SFXN3: variants seen among roughly 807,000 people sequenced by gnomAD.
SFXN3 encodes the protein sideroflexin-3.
In SFXN3, 31 loss-of-function variants were observed where a neutral mutation model predicts 40.4. The observed-to-expected ratio is 0.77, with a 90% CI of 0.58 to 1.04. The LOEUF is 1.04. Ranked by LOEUF, SFXN3 falls within the 50% of genes least tolerant of loss-of-function variation. The pLI is 0.00. For synonymous variants in SFXN3, 157 were observed against 160.0 expected (o/e 0.98, Z 0.14); for missense variants, 366 against 408.2 (o/e 0.90, Z 0.89).
chr10:101,037,209 G>C lies in SFXN3; in HGVS notation c.721+6G>C, dbSNP rs372517888. 19 of 1,613,844 alleles carry C rather than the reference G, an allele frequency of 1.2e-5. No individual in the cohort carries two copies. The highest frequency in any genetic ancestry group is 1.5e-5 in the Non-Finnish European group (18 of 1,180,044). ...CATGGCGATTCCTGCCATGGGTAAGGCGGGAGTGGCTGGGTGGGGCATAGG... is the reference window on the plus strand; with the variant it reads ...CATGGCGATTCCTGCCATGGGTAAGCCGGGAGTGGCTGGGTGGGGCATAGG... On this transcript the variant is annotated splice_donor_region_variant and intron_variant, in intron 8 of 11. Transcript: ENST00000393459.
intron 2 of SFXN3, among the ~76,000 whole-genome samples, chr10:101,034,145 T>C (rs1590086807): frequency 6.6e-6 from 1 of 152,060 alleles, no homozygotes; most frequent in African/African-American, 2.4e-5. Context: ...GTCAGGTCTT[T>C]CTCATCCCAC....
intron 2 of SFXN3, 119 bp from the exon 3 acceptor site, chr10:101,034,573 G>T: frequency 9.8e-7 from 1 of 1,016,456 alleles, no homozygotes; most frequent in Non-Finnish European, 1.5e-6. Context: ...TAGTCACCTT[G>T]AGCTCTTGAA....
At position 101,039,372 on chromosome 10, in the gene SFXN3, C is replaced by A; in HGVS notation, c.870-117C>A. The stretch of plus-strand genomic sequence containing the variant: ...GTGGGGGAATGACAGTGAGCCAGTC[C>A]TTCTGGCAGTAGAAGGAGAGGATTT... On this transcript the variant is annotated intron_variant, in intron 11 of 11. Coordinates refer to ENST00000393459, the Ensembl canonical transcript of SFXN3. This position sits in a 1 kb window ranked among gnomAD's most constrained non-coding sequence, Gnocchi z 4.6. 1 of 1,215,324 alleles carries A rather than the reference C, an allele frequency of 8.2e-7. No homozygotes were observed. The highest frequency in any genetic ancestry group is 1.2e-6 in the Non-Finnish European group (1 of 824,152). The allele number at this position is 1,215,324 out of a possible 1,614,324, so 75.3% of individuals were successfully genotyped here. A position where few individuals can be genotyped will look rare whatever the true frequency, so the allele number is the denominator to read the frequency against.
At position 101,034,905 on chromosome 10, in the gene SFXN3, A is replaced by G. The variant is rs777182787; in HGVS notation, c.161+50A>G. 9 of 1,588,178 alleles carry G rather than the reference A, an allele frequency of 5.7e-6. No homozygotes were observed. The Admixed American group carries it at 1.6e-4, about 28-fold the overall frequency. ...GTGTGCCAGGATCTCATTTTCTGTG[A>G]TTAATATAATATGTTTTGTACCTGC... On this transcript the variant is annotated intron_variant, in intron 3 of 11. Coordinates refer to ENST00000393459, the Ensembl canonical transcript of SFXN3.
intron 9 of SFXN3, chr10:101,038,135 G>A (rs1463050289): frequency 3.9e-5 from 14 of 362,142 alleles, no homozygotes; most frequent in Admixed American, 5.2e-5. Flanking sequence ...GCCAAATAAC[G>A]CAGAGAAGAG....
intron 9 of SFXN3, 130 bp from the exon 10 acceptor site, chr10:101,038,513 G>T: frequency 6.4e-7 from 1 of 1,554,586 alleles, no homozygotes; most frequent in Non-Finnish European, 8.7e-7. Context: ...ATTGCCTTGG[G>T]AGAAAGAAAA....
chr10:101,039,215 C>T lies in SFXN3; in HGVS notation c.862C>T (p.Gln288Ter), dbSNP rs543289710. Residue 288 changes from glutamine to a stop codon, truncating the protein, a stop_gained, in exon 11 of 12, where the codon CAG becomes TAG. Transcript: ENST00000393459. LOFTEE classifies it high-confidence loss of function. This position sits in a 1 kb window ranked among gnomAD's most constrained non-coding sequence, Gnocchi z 4.6. ...CCCCCTGTGCTGTGCCCTATTCCCC[C>T]AGAAGAGGTAAGTGCTGTCCCTGGG... 10 of 1,604,256 alleles carry T rather than the reference C, an allele frequency of 6.2e-6. No individual in the cohort carries two copies. In the South Asian group the frequency reaches 8.9e-5, roughly 14 times the overall value.
intron 4 of SFXN3, 86 bp from the exon 5 acceptor site, chr10:101,035,917 G>T: frequency 7.5e-7 from 1 of 1,339,788 alleles, no homozygotes; most frequent in Non-Finnish European, 1.1e-6. Flanking sequence ...TCTTAGGCTT[G>T]GGGAATAACC....
At position 101,036,044 on chromosome 10, in the gene SFXN3, C is replaced by A; in HGVS notation, c.374C>A (p.Ser125Tyr). 6.2e-7 allele frequency: 1 copy of A among 1,614,092 alleles called. No individual in the cohort carries two copies. Among genetic ancestry groups the A allele is most frequent in the South Asian group, 1.1e-5 (1 of 91,078 alleles). Residue 125 changes from serine (S) to tyrosine (Y), a missense_variant, in exon 5 of 12, where the codon TCC becomes TAC. Transcript: ENST00000393459. The surrounding 1 kb of genome is among the most constrained non-coding windows in gnomAD (Gnocchi z 4.2). Reference sequence around the variant, plus strand: ...GTGTTCTGGCAGTGGGTGAATCAGTCCTTCAATGCCATTGTTAACTACTCC... The same window carrying A: ...GTGTTCTGGCAGTGGGTGAATCAGTACTTCAATGCCATTGTTAACTACTCC...
At chr10:101,032,171 C>T (rs374647999) in intron 1 of SFXN3, 143 bp from the exon 2 acceptor site, 6 of 362,278 alleles carry the variant, frequency 1.7e-5, no homozygotes, top group African/African-American at 6.3e-5. Flanking sequence ...GCAGCGCCCG[C>T]GGCTCCAGCC....
At chr10:101,035,626 C>T (rs1712387151) in exon 4 of SFXN3, 3 of 1,613,826 alleles carry the variant, frequency 1.9e-6, no homozygotes, top group Non-Finnish European at 2.5e-6. Context: ...CCCAGGTGCC[C>T]ATGAACATGA....
chr10:101,040,111 A>G (rs759203785), exon 12 of SFXN3: 4 of 156,038 alleles, frequency 2.6e-5, no homozygotes, highest in African/African-American at 4.8e-5. Flanking sequence ...TCTGATACCT[A>G]GCTCCCCAAG....
intron 9 of SFXN3, chr10:101,037,677 T>G: frequency 2.8e-6 from 4 of 1,419,638 alleles, no homozygotes; most frequent in Non-Finnish European, 3.7e-6. Context: ...CTCCAGTGGC[T>G]TCTGACACAC....
chr10:101,035,496 G>A lies in SFXN3; in HGVS notation c.162-1G>A, dbSNP rs760910395. On this transcript the variant is annotated splice_acceptor_variant, in intron 3 of 11. Transcript: ENST00000393459. LOFTEE classifies it high-confidence loss of function. ...TGTCTGCTCCTTGCCAACTTCTGCA[G>A]GGCCGGCGTGGTGACCCCAGGGATC... 1 of 1,598,872 alleles carries A rather than the reference G, an allele frequency of 6.3e-7. No homozygotes were observed. Among genetic ancestry groups the A allele is most frequent in the South Asian group, 1.1e-5 (1 of 88,488 alleles).
chr10:101,039,277 G>C lies in SFXN3; in HGVS notation c.869+55G>C. 5.9e-6 allele frequency: 9 copies of C among 1,513,884 alleles called. No homozygotes were observed. The highest frequency in any genetic ancestry group is 8.1e-6 in the Non-Finnish European group (9 of 1,106,806). The allele number at this position is 1,513,884 out of a possible 1,614,324, so 93.8% of individuals were successfully genotyped here. On this transcript the variant is annotated intron_variant, in intron 11 of 11. Coordinates refer to ENST00000393459, the Ensembl canonical transcript of SFXN3. This position sits in a 1 kb window ranked among gnomAD's most constrained non-coding sequence, Gnocchi z 4.6. The stretch of plus-strand genomic sequence containing the variant: ...ACTCTGGATTGGACTCTGCATCTCT[G>C]GACCAGCTGACCTAGGGTCTTCCAG...
chr10:101,034,766 C>T, exon 3 of SFXN3: 1 of 1,614,054 alleles, frequency 6.2e-7, no homozygotes. Flanking sequence ...TGGGCAGAGC[C>T]CGGCACTTTT....
chr10:101,036,102 G>T lies in SFXN3; in HGVS notation c.431+1G>T. The T allele has an allele frequency of 6.2e-7, 1 of 1,611,352 alleles. No individual in the cohort carries two copies. The highest frequency in any genetic ancestry group is 8.5e-7 in the Non-Finnish European group (1 of 1,177,926). ...GTGGTGACACTCCCATCACTGTGAGGTGAGAGCCAGCCCCCAGCAGCAGCT... is the reference window on the plus strand; with the variant it reads ...GTGGTGACACTCCCATCACTGTGAGTTGAGAGCCAGCCCCCAGCAGCAGCT... On this transcript the variant is annotated splice_donor_variant, in intron 5 of 11. Transcript: ENST00000393459. LOFTEE classifies it high-confidence loss of function. The surrounding 1 kb of genome is among the most constrained non-coding windows in gnomAD (Gnocchi z 4.2).
In SFXN3 at chr10:101,039,678, T is replaced by G; in HGVS notation, c.*93T>G. ...TACCACTTGGCTATCTGCCTAGCACTGGGCAGGGGCCTTGGTGGGCAGATG... is the reference window on the plus strand; with the variant it reads ...TACCACTTGGCTATCTGCCTAGCACGGGGCAGGGGCCTTGGTGGGCAGATG... On this transcript the variant is annotated 3_prime_UTR_variant, in exon 12 of 12. Transcript: ENST00000393459. The surrounding 1 kb of genome is among the most constrained non-coding windows in gnomAD (Gnocchi z 4.6). 1 of 1,266,026 alleles carries G rather than the reference T, an allele frequency of 7.9e-7. No individual in the cohort carries two copies. Among genetic ancestry groups the G allele is most frequent in the Non-Finnish European group, 1.2e-6 (1 of 869,170 alleles). The allele number at this position is 1,266,026 out of a possible 1,614,324, so 78.4% of individuals were successfully genotyped here. A position where few individuals can be genotyped will look rare whatever the true frequency, so the allele number is the denominator to read the frequency against.
intron 4 of SFXN3, 121 bp downstream of exon 4, chr10:101,035,788 C>A: frequency 7.2e-7 from 1 of 1,385,770 alleles, no homozygotes; most frequent in Non-Finnish European, 9.8e-7. Flanking sequence ...GCTTCCATTC[C>A]TCAGAATTCA....
Sources: gnomAD v4.1 joint callset for allele counts (sites outside exome capture counted in the v4.1 genomes callset) on GRCh38, gnomAD v4.1.1 for gene constraint, Gnocchi (gnomAD v3.1) non-coding constraint, MANE v1.5 for transcripts, NCBI Gene and HGNC (gene_info 2026-07-23, HGNC 2026-07-21) for gene names.